The following TTC17 variants were observed in gnomAD, a reference collection of about 807,000 sequenced individuals.
TTC17 encodes the protein tetratricopeptide repeat protein 17.
A neutral mutation model predicts 143.8 loss-of-function variants in TTC17; 58 were observed. The observed-to-expected ratio is 0.40, with a 90% CI of 0.33 to 0.50. The LOEUF (loss-of-function observed/expected upper bound fraction) is 0.50. Ranked by LOEUF, TTC17 falls within the 20% of genes least tolerant of loss-of-function variation. TTC17 has a pLI of 0.49. For synonymous variants in TTC17, 501 were observed against 497.8 expected (o/e 1.01, Z -0.09); for missense variants, 1,273 against 1,392.5 (o/e 0.91, Z 1.37).
intron 2 of TTC17, 114 bp from the exon 3 acceptor site, chr11:43,389,538 G>A (rs965999689): frequency 3.8e-6 from 4 of 1,040,366 alleles, no homozygotes; most frequent in Non-Finnish European, 5.4e-6. Flanking sequence ...CAGAATTCTT[G>A]TCTTCCTACA....
chr11:43,445,851 T>G, intron 18 of TTC17: 1 of 735,998 alleles, frequency 1.4e-6, no homozygotes, highest in African/African-American at 1.7e-5. Flanking sequence ...GGGGGAAAAA[T>G]GGAGATCATT....
At chr11:43,369,440 G>T (rs1856478333) in intron 1 of TTC17, among the ~76,000 whole-genome samples, 1 of 152,178 alleles carries the variant, frequency 6.6e-6, no homozygotes, top group African/African-American at 2.4e-5. Context: ...CTGTGAAAAT[G>T]AGAAGGTAAA....
At chr11:43,406,232 T>C (rs1233295899) in intron 13 of TTC17, among the ~76,000 whole-genome samples, 13 of 152,180 alleles carry the variant, frequency 8.5e-5, no homozygotes, top group Admixed American at 8.5e-4. Context: ...TGTTATCTAA[T>C]GGAGTTGGTG....
At chr11:43,406,712 C>G (rs1451639049) in intron 13 of TTC17, among the ~76,000 whole-genome samples, 1 of 152,054 alleles carries the variant, frequency 6.6e-6, no homozygotes, top group Non-Finnish European at 1.5e-5. Context: ...TGATCTGTGC[C>G]TTAGAGTTGT....
chr11:43,436,066 GT>G, intron 16 of TTC17: 1 of 1,074,224 alleles, frequency 9.3e-7, no homozygotes, highest in Non-Finnish European at 1.2e-6. Flanking sequence ...AACCGGCATT[GT>G]CACATTTTTG....
chr11:43,446,579 A>T, intron 18 of TTC17: 1 of 779,586 alleles, frequency 1.3e-6, no homozygotes, highest in Non-Finnish European at 1.6e-6. Context: ...TTAAGTTATT[A>T]ATTTAAACAG....
At chr11:43,401,934 T>C (rs1857873170) in intron 10 of TTC17, among the ~76,000 whole-genome samples, 1 of 151,622 alleles carries the variant, frequency 6.6e-6, no homozygotes, top group African/African-American at 2.4e-5. Context: ...ACCCAGATCA[T>C]GCCATTGCAC....
intron 1 of TTC17, among the ~76,000 whole-genome samples, chr11:43,372,482 T>TTTTTTTTATTTATTTATTTA (rs1554983138): frequency 2.1e-5 from 3 of 145,938 alleles, no homozygotes; most frequent in African/African-American, 7.8e-5. Flanking sequence ...TATTTTTATT[T>TTTTTTTTATTTATTTATTTA]TTTATTTATT....
intron 21 of TTC17, among the ~76,000 whole-genome samples, chr11:43,482,037 T>G (rs1188957178): frequency 6.6e-6 from 1 of 152,114 alleles, no homozygotes; most frequent in African/African-American, 2.4e-5. Context: ...CTCAAACTCC[T>G]GAGCTCCAGT....
At chr11:43,359,847 C>T (rs532624951) in intron 1 of TTC17, among the ~76,000 whole-genome samples, 32 of 152,310 alleles carry the variant, frequency 2.1e-4, no homozygotes, top group Non-Finnish European at 4.1e-4. Flanking sequence ...TTCCTGGATT[C>T]TTGTATGCCT....
intron 21 of TTC17, among the ~76,000 whole-genome samples, chr11:43,476,022 A>C (rs1447171992): frequency 6.6e-6 from 1 of 152,216 alleles, no homozygotes; most frequent in Admixed American, 6.5e-5. Flanking sequence ...TAAAATACAA[A>C]GTTCCTAGCT....
chr11:43,419,294 G>A (rs1226096740), intron 16 of TTC17, among the ~76,000 whole-genome samples: 1 of 152,242 alleles, frequency 6.6e-6, no homozygotes, highest in Non-Finnish European at 1.5e-5. Context: ...GGAACAAAAA[G>A]TAGAATTTTC....
chr11:43,467,985 A>G (rs1392367117), intron 21 of TTC17, among the ~76,000 whole-genome samples: 1 of 152,186 alleles, frequency 6.6e-6, no homozygotes, highest in Non-Finnish European at 1.5e-5. Context: ...AAGAATTATG[A>G]AAGACATTAT....
At chr11:43,405,170 A>G (rs1000544059) in intron 11 of TTC17, among the ~76,000 whole-genome samples, 2 of 148,312 alleles carry the variant, frequency 1.3e-5, no homozygotes, top group South Asian at 2.1e-4. Flanking sequence ...TTTCATGGTC[A>G]TGACAGCCAG....
In TTC17 at chr11:43,405,482, G is replaced by T. The variant is rs200581412; in HGVS notation, c.1480-32G>T. Reference sequence around the variant, plus strand: ...AGCATATTGAAATATTGAATCCAAAGAAATTTATGAGAAATTTTGTTTCTT... The same window carrying T: ...AGCATATTGAAATATTGAATCCAAATAAATTTATGAGAAATTTTGTTTCTT... On this transcript the variant is annotated intron_variant, in intron 11 of 23. Transcript: ENST00000039989. 2.4e-4 allele frequency: 366 copies of T among 1,542,808 alleles called. 2 individuals carry two copies. The African/African-American group carries it at 4.4e-3, about 19-fold the overall frequency.
intron 16 of TTC17, among the ~76,000 whole-genome samples, chr11:43,443,044 T>C (rs1947457745): frequency 6.6e-6 from 1 of 152,194 alleles, no homozygotes. Context: ...TAAAAAATAG[T>C]GTATCACATA....
chr11:43,464,595 A>G (rs1947935911), intron 21 of TTC17, among the ~76,000 whole-genome samples: 1 of 152,194 alleles, frequency 6.6e-6, no homozygotes, highest in African/African-American at 2.4e-5. Flanking sequence ...CCTAATTTCT[A>G]AGGAGCTTTT....
At chr11:43,376,268 T>C (rs911584005) in intron 1 of TTC17, among the ~76,000 whole-genome samples, 6 of 152,234 alleles carry the variant, frequency 3.9e-5, no homozygotes, top group African/African-American at 1.4e-4. Flanking sequence ...AGTGAAATTT[T>C]GTTTACTTGG....
At chr11:43,439,548 A>T (rs1047446654) in intron 16 of TTC17, among the ~76,000 whole-genome samples, 4 of 151,380 alleles carry the variant, frequency 2.6e-5, no homozygotes. Flanking sequence ...GCTCACTGCA[A>T]GCTCTGCCTC....
Sources: gnomAD v4.1 joint callset for allele counts (sites outside exome capture counted in the v4.1 genomes callset) on GRCh38, gnomAD v4.1.1 for gene constraint, MANE v1.5 for transcripts, NCBI Gene and HGNC (gene_info 2026-07-23, HGNC 2026-07-21) for gene names.